Variants in SPTAN1 observed in about 807,000 individuals in gnomAD.
SPTAN1 encodes spectrin alpha, non-erythrocytic 1.
Under a neutral mutation model 331.3 loss-of-function variants are expected in SPTAN1, and 61 were observed. That is an observed-to-expected ratio of 0.18 (90% confidence interval 0.15 to 0.23). The LOEUF is 0.23. Among genes scored for constraint, SPTAN1 ranks in the 10% least tolerant of loss-of-function variants. SPTAN1 has a pLI of 1.00. For synonymous variants in SPTAN1, 1,153 were observed against 1,173.9 expected, an observed-to-expected ratio of 0.98 and a Z score of 0.36; for missense variants, 2,043 against 3,147.9, an observed-to-expected ratio of 0.65 and a Z score of 8.40.
rs1432369414 is a variant in SPTAN1, at chr9:128,599,004, T to C, written c.3543+18T>C. 6.2e-7 allele frequency: 1 copy of C among 1,613,224 alleles called. No homozygotes were observed. Among genetic ancestry groups the C allele is most frequent in the South Asian group, 1.1e-5 (1 of 91,072 alleles). On this transcript the variant is annotated intron_variant, in intron 26 of 56. Coordinates refer to ENST00000372739, the MANE Select transcript of SPTAN1 (RefSeq NM_001130438.3). Reference sequence around the variant, plus strand: ...TGCCCAGGGTAAGTTTCGGGTGCTGTGTGTGGATCTTGAACATGAGAAGGA... The same window carrying C: ...TGCCCAGGGTAAGTTTCGGGTGCTGCGTGTGGATCTTGAACATGAGAAGGA...
At chr9:128,593,349 A>G (rs756370704) in intron 23 of SPTAN1, 39 of 452,250 alleles carry the variant, frequency 8.6e-5, no homozygotes, top group Non-Finnish European at 1.4e-4. Context: ...GGCCTGTTCT[A>G]TAGTTTTCCT....
chr9:128,568,399 G>A (rs1196930664), intron 2 of SPTAN1, among the ~76,000 whole-genome samples: 1 of 152,222 alleles, frequency 6.6e-6, no homozygotes, highest in Non-Finnish European at 1.5e-5. Flanking sequence ...AGCACTGAAT[G>A]TTGAGAAAAC....
rs778305895 is a variant in SPTAN1, at chr9:128,617,829, C to G, written c.5478+69C>G. 3.1e-6 allele frequency: 5 copies of G among 1,612,198 alleles called. No homozygotes were observed. The South Asian group carries it at 3.3e-5, about 11-fold the overall frequency. On this transcript the variant is annotated intron_variant, in intron 42 of 56. Transcript: ENST00000372739. ...TGGGCCCCAGGGGACAGACAAACCCCTTGCGCTTATTTCACTGAGGTCCCT... is the reference window on the plus strand; with the variant it reads ...TGGGCCCCAGGGGACAGACAAACCCGTTGCGCTTATTTCACTGAGGTCCCT...
At chr9:128,554,268 G>C (rs1219246177) in intron 1 of SPTAN1, among the ~76,000 whole-genome samples, 1 of 152,182 alleles carries the variant, frequency 6.6e-6, no homozygotes, top group Non-Finnish European at 1.5e-5. Context: ...GTGTGAAGCA[G>C]TTCTTATGGC....
rs562263500 is a variant in SPTAN1, at chr9:128,588,069, C to T, written c.2871+371C>T. On this transcript the variant is annotated intron_variant, in intron 20 of 56. Coordinates refer to ENST00000372739, the MANE Select transcript of SPTAN1 (RefSeq NM_001130438.3). ...CTAGAGTGCAGTGGCACTATCTTGG[C>T]TCACTGCAACCTCTGCCTCCCAGGT... Among the ~76,000 whole-genome samples, 868 of 146,328 alleles carry T rather than the reference C, an allele frequency of 5.9e-3. 3 individuals carry two copies. Among genetic ancestry groups the T allele is most frequent in the Non-Finnish European group, 0.01 (700 of 67,418 alleles).
rs1376849157 is a variant in SPTAN1 at position 128,585,854 on chromosome 9, T to C, written c.2667T>C (p.Ser889=). 6.2e-7 allele frequency: 1 copy of C among 1,614,130 alleles called. No individual in the cohort carries two copies. The highest frequency in any genetic ancestry group is 8.5e-7 in the Non-Finnish European group (1 of 1,180,024). The change falls in exon 19 of 57, where the codon TCT becomes TCC. Residue 889 remains serine (S), a synonymous_variant. Coordinates refer to ENST00000372739, the MANE Select transcript of SPTAN1 (RefSeq NM_001130438.3). The part of the protein sequence containing the change: ...ASQRRQDLED[S]LQAQQYFADA... The stretch of plus-strand genomic sequence containing the variant: ...AGCGTCGGCAGGACCTGGAGGACTC[T>C]CTGCAGGCCCAGCAGTACTTTGCTG...
intron 1 of SPTAN1, among the ~76,000 whole-genome samples, chr9:128,565,787 T>C (rs1849962774): frequency 2.0e-5 from 3 of 152,232 alleles, no homozygotes; most frequent in Admixed American, 2.0e-4. Context: ...TATTATACAT[T>C]GTAGAACAAT....
chr9:128,605,085 C>T lies in SPTAN1; in HGVS notation c.3771C>T (p.Asn1257=), dbSNP rs1855651941. 1 of 1,613,840 alleles carries T rather than the reference C, an allele frequency of 6.2e-7. No individual in the cohort carries two copies. The highest frequency in any genetic ancestry group is 1.3e-5 in the African/African-American group (1 of 74,838). Residue 1257 remains asparagine (N), a synonymous_variant, in exon 30 of 57, where the codon AAC becomes AAT. Transcript: ENST00000372739. ...EWIEEKNQAL[N]TDNYGHDLAS... ...TTGAAGAGAAGAATCAAGCTCTAAACACAGACAATTATGGACATGATCTCG... is the reference window on the plus strand; with the variant it reads ...TTGAAGAGAAGAATCAAGCTCTAAATACAGACAATTATGGACATGATCTCG...
At chr9:128,588,013 A>ATT (rs10627038) in intron 20 of SPTAN1, among the ~76,000 whole-genome samples, 110,378 of 136,820 alleles carry the variant, frequency 0.81, 46,396 homozygotes, top group Non-Finnish European at 0.93. Flanking sequence ...GCCCAGCTAA[A>ATT]TTTTTTTTTT....
chr9:128,560,168 C>T (rs1849138477), intron 1 of SPTAN1, among the ~76,000 whole-genome samples: 1 of 150,406 alleles, frequency 6.6e-6, no homozygotes, highest in Non-Finnish European at 1.5e-5. Flanking sequence ...ACTGCAACCT[C>T]AGCCTCCCGG....
chr9:128,617,793 AG>A lies in SPTAN1; in HGVS notation c.5478+35del, dbSNP rs541689566. 5.0e-4 allele frequency: 800 copies of A among 1,613,138 alleles called. 4 individuals are homozygous for A. In the African/African-American group the frequency reaches 9.3e-3, roughly 19 times the overall value. On this transcript the variant is annotated intron_variant, in intron 42 of 56. Coordinates refer to ENST00000372739, the MANE Select transcript of SPTAN1 (RefSeq NM_001130438.3). ...GGCCGCCTTCTGGCCAAGAGGGCAG[AG>A]GTGTTTGAGTGGGCCCCAGGGGACA...
In SPTAN1 at chr9:128,577,391, T is replaced by A. The variant is rs779648804; in HGVS notation, c.970T>A (p.Ser324Thr). 4.3e-6 allele frequency: 7 copies of A among 1,614,062 alleles called. No individual in the cohort carries two copies. The Admixed American group carries it at 1.2e-4, about 27-fold the overall frequency. ...TGCTGAGGCTGACCGCCTGCAACAG[T>A]CCCACCCTCTGAGTGCAACACAGAT... ...LCAEADRLQQ[S>T]HPLSATQIQV... is the part of the protein sequence containing the mutation. The change falls in exon 8 of 57, where the codon TCC becomes ACC. Residue 324 changes from serine to threonine, a missense_variant. Ser to Thr is a moderately conservative substitution (Grantham distance 58). Coordinates refer to ENST00000372739, the MANE Select transcript of SPTAN1 (RefSeq NM_001130438.3). The surrounding 1 kb of genome is among the most constrained non-coding windows in gnomAD (Gnocchi z 4.2).
intron 41 of SPTAN1, 152 bp from the exon 42 acceptor site, chr9:128,617,488 G>C: frequency 9.4e-7 from 1 of 1,067,096 alleles, no homozygotes; most frequent in South Asian, 1.4e-5. Flanking sequence ...CTACTCATTT[G>C]GGAAGTAGAG....
Position 128,613,287 on chromosome 9 carries a change from A to C in SPTAN1, c.5044-94A>C, listed in dbSNP as rs1184928976. The stretch of plus-strand genomic sequence containing the variant: ...TGGAGAAGTATTCAACTGTCCAAGC[A>C]AGGCCCTGGAATAGCCACTGGGCAA... On this transcript the variant is annotated intron_variant, in intron 39 of 56. Transcript: ENST00000372739. 5 of 962,286 alleles carry C rather than the reference A, an allele frequency of 5.2e-6. No homozygotes were observed. In the African/African-American group the frequency reaches 6.4e-5, roughly 12 times the overall value. 59.6% of individuals were successfully genotyped at this position (962,286 alleles called of 1,614,324 possible).
At chr9:128,598,875 C>T in intron 25 of SPTAN1, 88 bp from the exon 26 acceptor site, 4 of 1,197,266 alleles carry the variant, frequency 3.3e-6, no homozygotes, top group Non-Finnish European at 5.0e-6. Flanking sequence ...GAATTATCTC[C>T]TGTGTTTCCA....
intron 1 of SPTAN1, among the ~76,000 whole-genome samples, chr9:128,555,603 T>G (rs1169940490): frequency 6.7e-6 from 1 of 149,160 alleles, no homozygotes; most frequent in African/African-American, 2.5e-5. Flanking sequence ...GTAAATTTAC[T>G]TGAAAATTTG....
chr9:128,602,072 A>G (rs1172533332), intron 27 of SPTAN1, among the ~76,000 whole-genome samples: 2 of 151,928 alleles, frequency 1.3e-5, no homozygotes, highest in African/African-American at 4.8e-5. Flanking sequence ...AAATCCCAGT[A>G]CCTCTTATTG....
At chr9:128,580,608 A>G (rs945060070) in intron 10 of SPTAN1, among the ~76,000 whole-genome samples, 1 of 152,140 alleles carries the variant, frequency 6.6e-6, no homozygotes, top group Non-Finnish European at 1.5e-5. Flanking sequence ...TTTATACTCC[A>G]TTAAACTCCA....
intron 13 of SPTAN1, 40 bp from the exon 14 acceptor site, chr9:128,582,654 A>G (rs759490192): frequency 6.8e-6 from 11 of 1,611,362 alleles, no homozygotes; most frequent in Non-Finnish European, 8.5e-6. Flanking sequence ...TCCCTTTGGG[A>G]GTGAACACTA....
Sources: gnomAD v4.1 joint callset for allele counts (sites outside exome capture counted in the v4.1 genomes callset) on GRCh38, gnomAD v4.1.1 for gene constraint, Gnocchi (gnomAD v3.1) non-coding constraint, MANE v1.5 for transcripts, NCBI Gene and HGNC (gene_info 2026-07-23, HGNC 2026-07-21) for gene names.